The following RABGAP1L variants were observed in gnomAD, a reference collection of about 807,000 sequenced individuals.
The protein encoded by RABGAP1L is RAB GTPase activating protein 1 like.
A neutral mutation model predicts 137.7 loss-of-function variants in RABGAP1L; 63 were observed. The observed-to-expected ratio is 0.46, with a 90% confidence interval of 0.37 to 0.56. The LOEUF (loss-of-function observed/expected upper bound fraction) is 0.56. Ranked by LOEUF, RABGAP1L falls within the 20% of genes least tolerant of loss-of-function variation. The pLI, the probability that RABGAP1L is intolerant of heterozygous loss-of-function variation, is 0.00. For synonymous variants in RABGAP1L, 431 were observed against 433.7 expected, an observed-to-expected ratio of 0.99 and a Z score of 0.08; for missense variants, 1,095 against 1,244.0, an observed-to-expected ratio of 0.88 and a Z score of 1.80.
rs1325253608 is a variant in RABGAP1L at position 174,992,065 on chromosome 1, C to T, written c.*2064C>T. 1 of 152,096 alleles carries T rather than the reference C, an allele frequency of 6.6e-6. No homozygotes were observed. Among genetic ancestry groups the T allele is most frequent in the Non-Finnish European group, 1.5e-5 (1 of 68,018 alleles). 9.4% of individuals were successfully genotyped at this position (152,096 alleles called of 1,614,324 possible). ...TAAATAATAGTAGGTGAGGGAGAAACATAATGGCTCTAGGTCAATCCCTTA... is the reference window on the plus strand; with the variant it reads ...TAAATAATAGTAGGTGAGGGAGAAATATAATGGCTCTAGGTCAATCCCTTA... On this transcript the variant is annotated 3_prime_UTR_variant, in exon 26 of 26. Transcript: ENST00000681986.
At chr1:174,754,618 C>T (rs1482099948) in intron 18 of RABGAP1L, among the ~76,000 whole-genome samples, 2 of 152,132 alleles carry the variant, frequency 1.3e-5, no homozygotes, top group Non-Finnish European at 1.5e-5. Flanking sequence ...CCTCCCTCCT[C>T]AGCCTCTTGA....
At chr1:174,239,845 C>G (rs1181311956) in intron 4 of RABGAP1L, among the ~76,000 whole-genome samples, 1 of 152,170 alleles carries the variant, frequency 6.6e-6, no homozygotes, top group Non-Finnish European at 1.5e-5. Flanking sequence ...CTTTTAAAAA[C>G]CCTTTCTGAT....
intron 11 of RABGAP1L, among the ~76,000 whole-genome samples, chr1:174,349,102 G>T (rs1219601469): frequency 1.5e-5 from 2 of 129,408 alleles, no homozygotes; most frequent in Non-Finnish European, 3.2e-5. Context: ...GCCGGGCGGG[G>T]GGCTGACACC....
At chr1:174,394,974 T>A (rs1047918547) in intron 13 of RABGAP1L, among the ~76,000 whole-genome samples, 1 of 152,002 alleles carries the variant, frequency 6.6e-6, no homozygotes, top group African/African-American at 2.4e-5. Flanking sequence ...TTTAACTTTT[T>A]TTTTTTAAAT....
intron 13 of RABGAP1L, among the ~76,000 whole-genome samples, chr1:174,471,475 T>C (rs1445056948): frequency 6.6e-6 from 1 of 152,216 alleles, no homozygotes; most frequent in African/African-American, 2.4e-5. Context: ...AGCAAAATCT[T>C]AGAAAAGTCA....
intron 19 of RABGAP1L, among the ~76,000 whole-genome samples, chr1:174,823,590 T>C (rs573054111): frequency 5.5e-4 from 84 of 152,170 alleles, no homozygotes; most frequent in African/African-American, 1.9e-3. Flanking sequence ...TGAAGAGAGG[T>C]TGGTTAATGA....
chr1:174,342,826 A>C (rs1217418482), intron 11 of RABGAP1L, among the ~76,000 whole-genome samples: 1 of 149,834 alleles, frequency 6.7e-6, no homozygotes, highest in East Asian at 2.0e-4. Flanking sequence ...GCAACTTCCG[A>C]CTCCTGGGTT....
chr1:174,597,715 C>A (rs549074287), intron 13 of RABGAP1L, among the ~76,000 whole-genome samples: 2 of 152,012 alleles, frequency 1.3e-5, no homozygotes, highest in East Asian at 1.9e-4. Flanking sequence ...TTCTTTTTCT[C>A]TTTCCAATTT....
chr1:174,327,996 T>TATATATATATATACATAC (rs1558136328), intron 11 of RABGAP1L, among the ~76,000 whole-genome samples: 60 of 91,524 alleles, frequency 6.6e-4, no homozygotes, highest in African/African-American at 3.2e-3. Flanking sequence ...CATATATATA[T>TATATATATATATACATAC]ATATATATAT....
chr1:174,363,332 T>G (rs1356252664), intron 11 of RABGAP1L, among the ~76,000 whole-genome samples: 1 of 152,204 alleles, frequency 6.6e-6, no homozygotes, highest in Non-Finnish European at 1.5e-5. Flanking sequence ...ATGTCAATGG[T>G]AGTTTAATAG....
chr1:174,686,209 A>C (rs1678447167), intron 15 of RABGAP1L, among the ~76,000 whole-genome samples: 1 of 152,206 alleles, frequency 6.6e-6, no homozygotes, highest in East Asian at 1.9e-4. Context: ...AGTGAAGAGC[A>C]ATTATAGTAG....
intron 1 of RABGAP1L, among the ~76,000 whole-genome samples, chr1:174,174,427 A>G (rs993659852): frequency 6.6e-6 from 1 of 152,180 alleles, no homozygotes; most frequent in Non-Finnish European, 1.5e-5. Flanking sequence ...AACAGAACCA[A>G]TAGGATAGCT....
intron 13 of RABGAP1L, chr1:174,548,158 A>G (rs1404102579): frequency 2.7e-6 from 4 of 1,477,622 alleles, no homozygotes; most frequent in African/African-American, 1.4e-5. Context: ...GATGTTACAT[A>G]TGTTCATTTT....
chr1:174,379,130 T>G (rs1043165983), intron 12 of RABGAP1L, among the ~76,000 whole-genome samples: 4 of 147,692 alleles, frequency 2.7e-5, no homozygotes, highest in Non-Finnish European at 6.0e-5. Context: ...GGCTCTGTTC[T>G]GTTCCATTGA....
intron 1 of RABGAP1L, among the ~76,000 whole-genome samples, chr1:174,170,823 A>G (rs944661545): frequency 6.6e-6 from 1 of 152,162 alleles, no homozygotes; most frequent in Non-Finnish European, 1.5e-5. Context: ...TAGGATAGTT[A>G]TGAGAATCAA....
chr1:174,741,462 A>C (rs193044612), intron 17 of RABGAP1L, among the ~76,000 whole-genome samples: 6 of 152,248 alleles, frequency 3.9e-5, no homozygotes, highest in African/African-American at 1.4e-4. Context: ...TCATGGGCCC[A>C]GATGATCCCC....
At chr1:174,361,227 T>A (rs1571403473) in intron 11 of RABGAP1L, among the ~76,000 whole-genome samples, 1 of 75,826 alleles carries the variant, frequency 1.3e-5, no homozygotes, top group Non-Finnish European at 2.6e-5. Flanking sequence ...CCAGTTTTGT[T>A]TTTTTTTTTT....
intron 19 of RABGAP1L, among the ~76,000 whole-genome samples, chr1:174,946,980 G>A (rs7524912): frequency 0.48 from 37,169 of 77,572 alleles, 9,791 homozygotes; most frequent in East Asian, 0.63. Context: ...GTGTGTGTGT[G>A]TATATATATG....
At position 174,573,017 on chromosome 1, in the gene RABGAP1L, TCATTTATC is replaced by T. The variant is rs552440961; in HGVS notation, c.1711-64357_1711-64350del. Among the ~76,000 whole-genome samples the T allele has an allele frequency of 6.7e-3, 1,025 of 152,240 alleles. 13 individuals carry two copies. The highest frequency in any genetic ancestry group is 0.023 in the African/African-American group (964 of 41,518). ...CAGGGATTAATCGACTTTGCCAAAG[TCATTTATC>T]TAGTTAACTGTAGAAAAGGCAGAAC... On this transcript the variant is annotated intron_variant, in intron 13 of 25. Coordinates refer to ENST00000681986, the MANE Select transcript of RABGAP1L (RefSeq NM_001366446.1).
Sources: gnomAD v4.1 joint callset for allele counts (sites outside exome capture counted in the v4.1 genomes callset) on GRCh38, gnomAD v4.1.1 for gene constraint, MANE v1.5 for transcripts, NCBI Gene and HGNC (gene_info 2026-07-23, HGNC 2026-07-21) for gene names.